ELOVL6: variants seen among roughly 807,000 people sequenced by gnomAD.
ELOVL6 encodes ELOVL fatty acid elongase 6, also known as very long chain fatty acid elongase 6.
In ELOVL6, 8 loss-of-function variants were observed where a neutral mutation model predicts 31.7. The observed-to-expected ratio is 0.25, with a 90% CI of 0.15 to 0.45. The LOEUF is 0.45. Ranked by LOEUF, ELOVL6 falls within the 20% of genes least tolerant of loss-of-function variation. The pLI is 1.00. For missense variants in ELOVL6, 126 were observed against 326.4 expected (o/e 0.39, Z 4.73); for synonymous variants, 101 against 117.7 (o/e 0.86, Z 0.92).
intron 1 of ELOVL6, among the ~76,000 whole-genome samples, chr4:110,195,902 C>A (rs1301658573): frequency 1.3e-5 from 2 of 152,086 alleles, no homozygotes. Context: ...AAGTTAATAA[C>A]CATGTATATA....
At chr4:110,148,500 G>T (rs929322347) in intron 1 of ELOVL6, among the ~76,000 whole-genome samples, 3 of 150,866 alleles carry the variant, frequency 2.0e-5, no homozygotes, top group African/African-American at 7.3e-5. Context: ...TGCGGGGGAG[G>T]GGGGGAGGTA....
intron 1 of ELOVL6, among the ~76,000 whole-genome samples, chr4:110,190,545 C>T (rs923933444): frequency 6.6e-5 from 10 of 152,132 alleles, no homozygotes; most frequent in Non-Finnish European, 1.3e-4. Context: ...CACTCTGTTG[C>T]CCAGGCTGGA....
chr4:110,097,758 T>C (rs1450253337), intron 2 of ELOVL6, among the ~76,000 whole-genome samples: 1 of 151,406 alleles, frequency 6.6e-6, no homozygotes, highest in African/African-American at 2.4e-5. Context: ...AAGAAAAATC[T>C]GATTCTCCAA....
chr4:110,155,330 ATATAGT>A (rs1468488372), intron 1 of ELOVL6, among the ~76,000 whole-genome samples: 1 of 152,120 alleles, frequency 6.6e-6, no homozygotes, highest in Non-Finnish European at 1.5e-5. Flanking sequence ...ATTACATATT[ATATAGT>A]TATAGTTATA....
At chr4:110,182,463 A>G (rs1759315545) in intron 1 of ELOVL6, among the ~76,000 whole-genome samples, 1 of 152,208 alleles carries the variant, frequency 6.6e-6, no homozygotes. Context: ...GTTACCTGAT[A>G]CCAGGTATTG....
rs945284389 is a variant in ELOVL6, at chr4:110,198,550, T to G, written c.-215A>C. 2.0e-6 allele frequency: 1 copy of G among 505,986 alleles called. No homozygotes were observed. Among genetic ancestry groups the G allele is most frequent in the African/African-American group, 2.0e-5 (1 of 50,388 alleles). 31.3% of individuals were successfully genotyped at this position (505,986 alleles called of 1,614,324 possible). A position where few individuals can be genotyped will look rare whatever the true frequency, so the allele number is the denominator to read the frequency against. On this transcript the variant is annotated 5_prime_UTR_variant, in exon 1 of 4. Transcript: ENST00000302274. ...CGCCTCCGCTCCCAGCTCCTCTCTCTGGGGCTCTCCTCCTCCCGGCGTCCG... is the reference window on the plus strand; with the variant it reads ...CGCCTCCGCTCCCAGCTCCTCTCTCGGGGGCTCTCCTCCTCCCGGCGTCCG...
chr4:110,053,098 T>G (rs1184777924), intron 3 of ELOVL6, among the ~76,000 whole-genome samples: 1 of 152,192 alleles, frequency 6.6e-6, no homozygotes, highest in African/African-American at 2.4e-5. Flanking sequence ...CATGCCCAGC[T>G]AATTTAAAAA....
At chr4:110,122,642 T>C (rs1757386413) in intron 1 of ELOVL6, among the ~76,000 whole-genome samples, 1 of 152,116 alleles carries the variant, frequency 6.6e-6, no homozygotes. Context: ...CCTCCCAGAG[T>C]GCTGGGATTA....
At chr4:110,121,898 T>G (rs1757368642) in intron 1 of ELOVL6, among the ~76,000 whole-genome samples, 1 of 152,080 alleles carries the variant, frequency 6.6e-6, no homozygotes, top group South Asian at 2.1e-4. Flanking sequence ...GAGAAATCTG[T>G]AAGAAAAGGT....
At chr4:110,154,764 G>C (rs1472303243) in intron 1 of ELOVL6, among the ~76,000 whole-genome samples, 5 of 152,166 alleles carry the variant, frequency 3.3e-5, no homozygotes, top group African/African-American at 1.2e-4. Flanking sequence ...ACATGAAAGG[G>C]AAGTGGCAGT....
chr4:110,116,820 T>C (rs1051461546), intron 1 of ELOVL6, among the ~76,000 whole-genome samples: 3 of 152,258 alleles, frequency 2.0e-5, no homozygotes, highest in African/African-American at 7.2e-5. Context: ...AATGGTCAAG[T>C]ATCAGTCTTC....
In ELOVL6 at chr4:110,152,012, C is replaced by G. The variant is rs192383296; in HGVS notation, c.89+46235G>C. ...AATATTGGCATCTCTAAGTTCTAAA[C>G]TGGGTAGAAATCCTAGATGTAAAAT... On this transcript the variant is annotated intron_variant, in intron 1 of 3. Transcript: ENST00000302274. Among the ~76,000 whole-genome samples, 3 of 152,234 alleles carry G rather than the reference C, an allele frequency of 2.0e-5. No homozygotes were observed. In the East Asian group the frequency reaches 5.8e-4, roughly 29 times the overall value.
Position 110,134,064 on chromosome 4 carries a change from C to T in ELOVL6, c.90-28436G>A, listed in dbSNP as rs113634409. Reference sequence around the variant, plus strand: ...AAAGGTGAACTTGTGCTCATGAAGCCTACATTCTAGCAGGAGACAGAAATT... The same window carrying T: ...AAAGGTGAACTTGTGCTCATGAAGCTTACATTCTAGCAGGAGACAGAAATT... On this transcript the variant is annotated intron_variant, in intron 1 of 3. Transcript: ENST00000302274. 9.6e-3 allele frequency among the ~76,000 whole-genome samples: 1,464 copies of T among 152,216 alleles called. 18 individuals carry two copies. The highest frequency in any genetic ancestry group is 0.033 in the African/African-American group (1,363 of 41,520).
At chr4:110,151,681 C>A (rs1758283215) in intron 1 of ELOVL6, among the ~76,000 whole-genome samples, 1 of 151,996 alleles carries the variant, frequency 6.6e-6, no homozygotes, top group South Asian at 2.1e-4. Flanking sequence ...CATTTGTGGG[C>A]CATAAAGAAG....
At chr4:110,176,193 C>T (rs1578280730) in intron 1 of ELOVL6, among the ~76,000 whole-genome samples, 1 of 151,870 alleles carries the variant, frequency 6.6e-6, no homozygotes, top group African/African-American at 2.4e-5. Flanking sequence ...GATGGAGTCT[C>T]ACTCTGTTGC....
intron 1 of ELOVL6, among the ~76,000 whole-genome samples, chr4:110,172,322 C>A (rs989309297): frequency 6.6e-6 from 1 of 152,158 alleles, no homozygotes; most frequent in Non-Finnish European, 1.5e-5. Context: ...TTTCCACTCA[C>A]ATACAAAAGA....
At chr4:110,125,514 A>G (rs967180453) in intron 1 of ELOVL6, among the ~76,000 whole-genome samples, 1 of 152,018 alleles carries the variant, frequency 6.6e-6, no homozygotes, top group African/African-American at 2.4e-5. Context: ...AATTTTCTTT[A>G]CTCTATTAGA....
intron 2 of ELOVL6, among the ~76,000 whole-genome samples, chr4:110,074,370 G>A: frequency 6.6e-6 from 1 of 152,190 alleles, no homozygotes; most frequent in East Asian, 1.9e-4. Context: ...ATCTGCAGAT[G>A]CAGAACCTAT....
intron 1 of ELOVL6, among the ~76,000 whole-genome samples, chr4:110,141,541 C>A (rs1288227529): frequency 6.6e-6 from 1 of 151,792 alleles, no homozygotes; most frequent in East Asian, 1.9e-4. Flanking sequence ...CCTAAGGCAG[C>A]ACTACAGATG....
Sources: gnomAD v4.1 joint callset for allele counts (sites outside exome capture counted in the v4.1 genomes callset) on GRCh38, gnomAD v4.1.1 for gene constraint, MANE v1.5 for transcripts, NCBI Gene and HGNC (gene_info 2026-07-23, HGNC 2026-07-21) for gene names.